Variants in MSH4 observed in about 807,000 individuals in gnomAD.
MSH4 encodes mutS homolog 4, also known as mutS protein homolog 4.
MSH4 carries 106 observed loss-of-function variants against 113.7 expected under a neutral mutation model. The observed-to-expected ratio is 0.93, with a 90% CI of 0.80 to 1.10. The LOEUF (loss-of-function observed/expected upper bound fraction) is 1.10. Ranked by LOEUF, MSH4 falls within the 50% of genes least tolerant of loss-of-function variation. The probability of loss-of-function intolerance (pLI) is 0.00; values close to 1 mark genes in which losing one functional copy is unlikely to be tolerated. For synonymous variants in MSH4, 368 were observed against 380.2 expected (o/e 0.97, Z 0.37); for missense variants, 1,061 against 1,093.7 (o/e 0.97, Z 0.42).
chr1:75,806,641 A>T (rs1290963632), intron 2 of MSH4, among the ~76,000 whole-genome samples: 1 of 152,044 alleles, frequency 6.6e-6, no homozygotes, highest in Non-Finnish European at 1.5e-5. Flanking sequence ...TTAGCTTTAT[A>T]ATAAGTCTTG....
intron 9 of MSH4, among the ~76,000 whole-genome samples, chr1:75,871,606 T>G (rs978991300): frequency 4.6e-5 from 7 of 152,214 alleles, no homozygotes; most frequent in Non-Finnish European, 1.0e-4. Flanking sequence ...CATTTCTAAT[T>G]AGAGATCTAT....
chr1:75,850,720 T>TTTTTG (rs756957053), intron 8 of MSH4, among the ~76,000 whole-genome samples: 2 of 152,116 alleles, frequency 1.3e-5, no homozygotes, highest in Admixed American at 6.5e-5. Context: ...GTTTTACGTT[T>TTTTTG]TTTTGTTTTG....
At position 75,802,121 on chromosome 1, in the gene MSH4, A is replaced by G. The variant is rs568225394; in HGVS notation, c.245-1610A>G. On this transcript the variant is annotated intron_variant, in intron 1 of 19. Transcript: ENST00000263187. Reference sequence around the variant, plus strand: ...GAGTTCAAGGCTGCATTTAGCCAAGATCACACCACTGAATTCCAGCCTAAG... The same window carrying G: ...GAGTTCAAGGCTGCATTTAGCCAAGGTCACACCACTGAATTCCAGCCTAAG... Among the ~76,000 whole-genome samples, 5 of 152,344 alleles carry G rather than the reference A, an allele frequency of 3.3e-5. No homozygotes were observed. The South Asian group carries it at 1.0e-3, about 32-fold the overall frequency.
At chr1:75,837,434 T>C in intron 7 of MSH4, among the ~76,000 whole-genome samples, 1 of 136,674 alleles carries the variant, frequency 7.3e-6, no homozygotes, top group African/African-American at 2.7e-5. Flanking sequence ...TCACCTACCC[T>C]GGAGTGCAAT....
At chr1:75,829,027 T>C (rs79236266) in intron 7 of MSH4, among the ~76,000 whole-genome samples, 1,972 of 152,268 alleles carry the variant, frequency 0.013, 43 homozygotes, top group African/African-American at 0.045. Flanking sequence ...GAGAATTCCC[T>C]TTCCCAGCAA....
chr1:75,867,685 C>T lies in MSH4; in HGVS notation c.1305+97C>T, dbSNP rs896935844. 2.0e-5 allele frequency: 15 copies of T among 744,522 alleles called. No homozygotes were observed. In the Admixed American group the frequency reaches 4.3e-4, roughly 21 times the overall value. 46.1% of individuals were successfully genotyped at this position (744,522 alleles called of 1,614,324 possible). A position where few individuals can be genotyped will look rare whatever the true frequency, so the allele number is the denominator to read the frequency against. ...CAAACTCGGAAAATTGCAAGAATAA[C>T]ATGGCGAATTTCCCATATTTTTTTT... On this transcript the variant is annotated intron_variant, in intron 9 of 19. Transcript: ENST00000263187.
At chr1:75,866,036 G>C (rs1651555643) in intron 8 of MSH4, among the ~76,000 whole-genome samples, 1 of 152,080 alleles carries the variant, frequency 6.6e-6, no homozygotes, top group South Asian at 2.1e-4. Flanking sequence ...TCTTTATTCT[G>C]TTCCATTGGA....
intron 15 of MSH4, among the ~76,000 whole-genome samples, chr1:75,886,387 T>A (rs1223118604): frequency 1.6e-4 from 18 of 112,448 alleles, no homozygotes; most frequent in African/African-American, 6.5e-4. Flanking sequence ...TTATATATGG[T>A]ATATATGATG....
chr1:75,810,360 C>G (rs1473616062), intron 3 of MSH4, among the ~76,000 whole-genome samples: 1 of 151,068 alleles, frequency 6.6e-6, no homozygotes, highest in Non-Finnish European at 1.5e-5. Flanking sequence ...GCCTCAGCCT[C>G]CTGAGTAGCT....
At chr1:75,891,385 C>A (rs1652249517) in intron 17 of MSH4, among the ~76,000 whole-genome samples, 1 of 151,798 alleles carries the variant, frequency 6.6e-6, no homozygotes, top group Non-Finnish European at 1.5e-5. Flanking sequence ...ATTTAAGATA[C>A]CTTAAAATGT....
chr1:75,865,116 G>A (rs1042995707), intron 8 of MSH4, among the ~76,000 whole-genome samples: 4 of 151,890 alleles, frequency 2.6e-5, no homozygotes, highest in African/African-American at 7.3e-5. Context: ...TCCTGTACAG[G>A]TATCCTTTCC....
chr1:75,827,664 C>CAAAAAAAAAAAAAAAAAAAGAAAAA (rs201976546), intron 7 of MSH4, among the ~76,000 whole-genome samples: 1 of 118,394 alleles, frequency 8.4e-6, no homozygotes. Context: ...AAATGGAAAG[C>CAAAAAAAAAAAAAAAAAAAGAAAAA]AAAAAAAAAA....
intron 19 of MSH4, among the ~76,000 whole-genome samples, chr1:75,909,318 C>T (rs1394318999): frequency 1.3e-5 from 2 of 152,052 alleles, no homozygotes; most frequent in African/African-American, 2.4e-5. Context: ...TTTTTCACTT[C>T]TCTGTCTCCC....
chr1:75,816,438 A>G lies in MSH4; in HGVS notation c.881A>G (p.Tyr294Cys). 6.2e-7 allele frequency: 1 copy of G among 1,610,156 alleles called. No individual in the cohort carries two copies. Among genetic ancestry groups the G allele is most frequent in the Non-Finnish European group, 8.5e-7 (1 of 1,177,586 alleles). The stretch of plus-strand genomic sequence containing the variant: ...GTTGAATTTATTCAAAATTCAGTTT[A>G]TGCACCAAAATCACTGAAGATTTGT... Reference protein sequence around the residue: ...KYVEFIQNSVYAPKSLKICFQ... With the variant: ...KYVEFIQNSVCAPKSLKICFQ... Residue 294 changes from tyrosine (Y) to cysteine (C), a missense_variant, in exon 6 of 20, where the codon TAT becomes TGT. Transcript: ENST00000263187.
chr1:75,829,146 C>T (rs149382666), intron 7 of MSH4, among the ~76,000 whole-genome samples: 1 of 152,188 alleles, frequency 6.6e-6, no homozygotes, highest in African/African-American at 2.4e-5. Context: ...TATCCCGCAC[C>T]TGGCTTGGAG....
chr1:75,805,272 A>G (rs932246536), intron 2 of MSH4, among the ~76,000 whole-genome samples: 2 of 152,152 alleles, frequency 1.3e-5, no homozygotes, highest in Non-Finnish European at 2.9e-5. Context: ...ATCCTAATAC[A>G]TAAAGCTTTT....
At chr1:75,900,599 T>A (rs530661233) in intron 19 of MSH4, among the ~76,000 whole-genome samples, 2 of 152,148 alleles carry the variant, frequency 1.3e-5, no homozygotes, top group Admixed American at 1.3e-4. Context: ...GAGCAACCGC[T>A]CCCAGCTGCT....
At chr1:75,855,418 T>C (rs1651295152) in intron 8 of MSH4, among the ~76,000 whole-genome samples, 1 of 152,158 alleles carries the variant, frequency 6.6e-6, no homozygotes, top group African/African-American at 2.4e-5. Flanking sequence ...GTCTTACAGA[T>C]TTAGAGGCTA....
chr1:75,821,239 G>T (rs1650401631), intron 6 of MSH4, among the ~76,000 whole-genome samples: 1 of 152,026 alleles, frequency 6.6e-6, no homozygotes, highest in Non-Finnish European at 1.5e-5. Context: ...CTGGAACTCA[G>T]GATTAAGAAA....
Sources: gnomAD v4.1 joint callset for allele counts (sites outside exome capture counted in the v4.1 genomes callset) on GRCh38, gnomAD v4.1.1 for gene constraint, MANE v1.5 for transcripts, NCBI Gene and HGNC (gene_info 2026-07-23, HGNC 2026-07-21) for gene names.